Variants in D2HGDH observed in about 807,000 individuals in gnomAD.
D2HGDH encodes the protein D-2-hydroxyglutarate dehydrogenase, mitochondrial.
A neutral mutation model predicts 46.9 loss-of-function variants in D2HGDH; 31 were observed. The observed-to-expected ratio is 0.66, with a 90% CI of 0.50 to 0.89. The LOEUF is 0.89. Ranked by LOEUF, D2HGDH falls within the 40% of genes least tolerant of loss-of-function variation. D2HGDH has a pLI of 0.00. For synonymous variants in D2HGDH, 364 were observed against 332.6 expected, an observed-to-expected ratio of 1.09 and a Z score of -1.03; for missense variants, 698 against 720.8, an observed-to-expected ratio of 0.97 and a Z score of 0.36.
At chr2:241,764,147 C>G (rs953825846) in intron 9 of D2HGDH, among the ~76,000 whole-genome samples, 1 of 152,056 alleles carries the variant, frequency 6.6e-6, no homozygotes, top group African/African-American at 2.4e-5. Flanking sequence ...GTGTTCAGCC[C>G]TCTCTGGCCT....
chr2:241,762,069 C>CTTT (rs564362722), intron 9 of D2HGDH, among the ~76,000 whole-genome samples: 8 of 108,164 alleles, frequency 7.4e-5, no homozygotes, highest in Non-Finnish European at 8.8e-5. Flanking sequence ...TTTTCTTTTC[C>CTTT]TTTTTTTTTT....
intron 2 of D2HGDH, among the ~76,000 whole-genome samples, chr2:241,736,749 G>C (rs910145002): frequency 6.7e-6 from 1 of 149,622 alleles, no homozygotes; most frequent in African/African-American, 2.5e-5. Flanking sequence ...GGCTCACTGC[G>C]ACCTTCCCCT....
At chr2:241,755,392 T>C (rs777894639) in intron 8 of D2HGDH, 2 of 1,304,728 alleles carry the variant, frequency 1.5e-6, no homozygotes, top group South Asian at 2.5e-5. Flanking sequence ...CCCACCCTGG[T>C]TCAGGGAGCG....
At chr2:241,750,588 G>C (rs1420253147) in intron 7 of D2HGDH, among the ~76,000 whole-genome samples, 1 of 152,178 alleles carries the variant, frequency 6.6e-6, no homozygotes, top group Non-Finnish European at 1.5e-5. Flanking sequence ...TGGTGAGCTG[G>C]GAGACTTTCT....
intron 9 of D2HGDH, among the ~76,000 whole-genome samples, chr2:241,758,309 G>A (rs1184416385): frequency 6.6e-6 from 1 of 152,082 alleles, no homozygotes; most frequent in Non-Finnish European, 1.5e-5. Context: ...TGGGCCTGGA[G>A]GTTTTTTTGA....
At position 241,744,747 on chromosome 2, in the gene D2HGDH, C is replaced by A. The variant is rs775753958; in HGVS notation, c.723C>A (p.Ser241=). The A allele has an allele frequency of 6.2e-7, 1 of 1,614,118 alleles. No homozygotes were observed. Among genetic ancestry groups the A allele is most frequent in the African/African-American group, 1.3e-5 (1 of 74,936 alleles). The change falls in exon 6 of 10, where the codon TCC becomes TCA. Residue 241 remains serine (S), a synonymous_variant. Coordinates refer to ENST00000321264, the MANE Select transcript of D2HGDH (RefSeq NM_152783.5). The part of the protein sequence containing the change: ...ADGTVLDCLT[S]LRKDNTGYDL... The stretch of plus-strand genomic sequence containing the variant: ...GCACTGTCCTGGACTGCCTGACCTC[C>A]CTGAGGAAGGACAACACGGGCTATG...
chr2:241,749,178 C>G, intron 6 of D2HGDH: 1 of 850,114 alleles, frequency 1.2e-6, no homozygotes, highest in East Asian at 8.4e-5. Flanking sequence ...CAGTCCCCAC[C>G]GCCAGACCCT....
intron 9 of D2HGDH, among the ~76,000 whole-genome samples, 173 bp from the exon 10 acceptor site, chr2:241,767,537 G>A (rs1699240914): frequency 6.6e-6 from 1 of 151,590 alleles, no homozygotes; most frequent in African/African-American, 2.4e-5. Context: ...AGCCAAGGTA[G>A]CAGCGGCCCC....
rs1699306299 is a variant in D2HGDH, at chr2:241,768,160, G to GGCAGAGTGGGGA, written c.*193_*194insAGAGTGGGGAGC. ...GGCAGGAGCATCTGGCAGAGTGGGG[G>GGCAGAGTGGGGA]GCGTGGCAGGCACCCTCCTTTGCAG... On this transcript the variant is annotated 3_prime_UTR_variant, in exon 10 of 10. Coordinates refer to ENST00000321264, the MANE Select transcript of D2HGDH (RefSeq NM_152783.5). 4.6e-6 allele frequency: 4 copies of GGCAGAGTGGGGA among 862,280 alleles called. No individual in the cohort carries two copies. The highest frequency in any genetic ancestry group is 3.5e-6 in the Non-Finnish European group (2 of 578,388). 53.4% of individuals were successfully genotyped at this position (862,280 alleles called of 1,614,324 possible).
chr2:241,760,389 C>T (rs36090938), intron 9 of D2HGDH, among the ~76,000 whole-genome samples: 5 of 135,400 alleles, frequency 3.7e-5, no homozygotes, highest in East Asian at 2.3e-4. Context: ...TTTGCCACAG[C>T]GTGGGTGGGC....
chr2:241,748,089 G>C (rs1318019455), intron 6 of D2HGDH, among the ~76,000 whole-genome samples: 1 of 151,792 alleles, frequency 6.6e-6, no homozygotes, highest in Non-Finnish European at 1.5e-5. Context: ...CCCAGGTCAG[G>C]CTCTTCCCTC....
intron 2 of D2HGDH, among the ~76,000 whole-genome samples, chr2:241,735,736 CTTTTTTT>C (rs1023751420): frequency 6.6e-6 from 1 of 151,984 alleles, no homozygotes; most frequent in African/African-American, 2.4e-5. Flanking sequence ...TTTGTTTTTT[CTTTTTTT>C]TAAGACGGAG....
At chr2:241,741,640 T>G (rs1323650369) in intron 3 of D2HGDH, among the ~76,000 whole-genome samples, 1 of 110,502 alleles carries the variant, frequency 9.0e-6, no homozygotes, top group Non-Finnish European at 1.7e-5. Context: ...TGGGGCTTGC[T>G]GTCTCCAGGG....
chr2:241,763,325 A>G (rs1698997200), intron 9 of D2HGDH, among the ~76,000 whole-genome samples: 1 of 152,212 alleles, frequency 6.6e-6, no homozygotes, highest in Admixed American at 6.5e-5. Context: ...GCTGTCATCC[A>G]CTTAATGCCG....
At position 241,739,393 on chromosome 2, in the gene D2HGDH, G is replaced by C. The variant is rs570687235; in HGVS notation, c.293-1640G>C. On this transcript the variant is annotated intron_variant, in intron 2 of 9. Coordinates refer to ENST00000321264, the MANE Select transcript of D2HGDH (RefSeq NM_152783.5). ...GGGACGCAGTGAGCGCAGGTGCCAG[G>C]GTTCCCTCAGGTGCCGCACTGAAGT... 2.2e-4 allele frequency among the ~76,000 whole-genome samples: 34 copies of C among 152,382 alleles called. No homozygotes were observed. In the South Asian group the frequency reaches 7.0e-3, roughly 32 times the overall value.
chr2:241,739,185 T>C (rs1158365188), intron 2 of D2HGDH, among the ~76,000 whole-genome samples: 2 of 152,186 alleles, frequency 1.3e-5, no homozygotes, highest in African/African-American at 4.8e-5. Context: ...TCTTTCCCGT[T>C]AGAAGGTAAA....
intron 8 of D2HGDH, among the ~76,000 whole-genome samples, chr2:241,754,203 A>G (rs112416222): frequency 0.11 from 16,389 of 152,264 alleles, 1,263 homozygotes; most frequent in East Asian, 0.21. Flanking sequence ...AGAAGGCCTC[A>G]CAGGCAGCCG....
chr2:241,757,493 GATGAGTGTGTCATC>G (rs1163389401), intron 9 of D2HGDH, among the ~76,000 whole-genome samples: 1 of 151,932 alleles, frequency 6.6e-6, no homozygotes, highest in Non-Finnish European at 1.5e-5. Flanking sequence ...TTAAGGGCAT[GATGAGTGTGTCATC>G]ATCCAGAGAA....
chr2:241,753,579 A>T (rs959293370), intron 8 of D2HGDH, among the ~76,000 whole-genome samples: 4 of 152,218 alleles, frequency 2.6e-5, no homozygotes, highest in South Asian at 2.1e-4. Context: ...GGGCTTGCGC[A>T]GGTCCAGCCG....
Sources: allele counts gnomAD v4.1 joint callset (sites outside exome capture counted in the v4.1 genomes callset), GRCh38; gene constraint gnomAD v4.1.1; transcripts MANE v1.5; gene names NCBI Gene and HGNC (gene_info 2026-07-23, HGNC 2026-07-21).